The following RABGAP1L variants were observed in gnomAD, a reference collection of about 807,000 sequenced individuals.
RABGAP1L encodes RAB GTPase activating protein 1 like.
In RABGAP1L, 63 loss-of-function variants were observed where a neutral mutation model predicts 137.7. That is an observed-to-expected ratio of 0.46 (90% confidence interval 0.37 to 0.56). The LOEUF (loss-of-function observed/expected upper bound fraction) is 0.56. RABGAP1L is among the 20% of genes least tolerant of loss of function. RABGAP1L has a pLI of 0.00. For missense variants in RABGAP1L, 1,095 were observed against 1,244.0 expected (o/e 0.88, Z 1.80); for synonymous variants, 431 against 433.7 (o/e 0.99, Z 0.08).
intron 13 of RABGAP1L, among the ~76,000 whole-genome samples, chr1:174,531,656 C>T (rs1238716533): frequency 1.4e-5 from 2 of 146,032 alleles, no homozygotes; most frequent in Admixed American, 1.5e-4. Context: ...TTGCTTTAAG[C>T]TAGGAATTTG....
intron 19 of RABGAP1L, among the ~76,000 whole-genome samples, chr1:174,894,634 C>T (rs951319243): frequency 5.3e-5 from 8 of 152,190 alleles, no homozygotes; most frequent in African/African-American, 1.7e-4. Context: ...ACAATGTGTG[C>T]TCACATTTCC....
In RABGAP1L at chr1:174,669,450, GGTT is replaced by G. The variant is rs564002193; in HGVS notation, c.1825-14068_1825-14066del. Among the ~76,000 whole-genome samples the G allele has an allele frequency of 9.9e-5, 15 of 152,236 alleles. No homozygotes were observed. The South Asian group carries it at 3.1e-3, about 32-fold the overall frequency. On this transcript the variant is annotated intron_variant, in intron 14 of 25. Coordinates refer to ENST00000681986, the MANE Select transcript of RABGAP1L (RefSeq NM_001366446.1). ...TTGTAGGTTGTCTCTTCACTCTGTT[GGTT>G]GTTTTCTTTGCTATGCAGAAGCTTT...
chr1:174,673,209 T>C (rs752675825), intron 14 of RABGAP1L, among the ~76,000 whole-genome samples: 49 of 152,258 alleles, frequency 3.2e-4, no homozygotes, highest in Non-Finnish European at 5.9e-4. Context: ...AGGATACTAA[T>C]TGATCTTTCA....
At chr1:174,637,954 C>T (rs1260417935) in intron 14 of RABGAP1L, among the ~76,000 whole-genome samples, 1 of 152,120 alleles carries the variant, frequency 6.6e-6, no homozygotes, top group African/African-American at 2.4e-5. Flanking sequence ...TTTTATATCC[C>T]ATTTTGAAAT....
At chr1:174,614,705 T>G (rs1031357632) in intron 13 of RABGAP1L, among the ~76,000 whole-genome samples, 49 of 152,354 alleles carry the variant, frequency 3.2e-4, no homozygotes, top group African/African-American at 1.1e-3. Flanking sequence ...CCCGTCACTT[T>G]CAGGTACACC....
chr1:174,582,885 G>A (rs1223294225), intron 13 of RABGAP1L, among the ~76,000 whole-genome samples: 1 of 152,102 alleles, frequency 6.6e-6, no homozygotes, highest in African/African-American at 2.4e-5. Flanking sequence ...AATCACATGT[G>A]CTTTAATAAT....
intron 10 of RABGAP1L, 146 bp downstream of exon 10, chr1:174,278,925 G>C: frequency 1.4e-6 from 1 of 711,326 alleles, no homozygotes; most frequent in East Asian, 3.3e-5. Context: ...CCAATAGAGT[G>C]TTTGAAAAAG....
intron 13 of RABGAP1L, among the ~76,000 whole-genome samples, chr1:174,602,333 G>T (rs779236636): frequency 2.6e-5 from 4 of 152,140 alleles, no homozygotes; most frequent in Non-Finnish European, 5.9e-5. Context: ...TGAGAATGAA[G>T]CAAAAGCGGA....
At chr1:174,625,000 T>C (rs984225290) in intron 13 of RABGAP1L, among the ~76,000 whole-genome samples, 5 of 151,732 alleles carry the variant, frequency 3.3e-5, no homozygotes, top group African/African-American at 9.7e-5. Flanking sequence ...GCCTCCCAAG[T>C]AGTTGGGATT....
intron 23 of RABGAP1L, among the ~76,000 whole-genome samples, chr1:174,982,095 G>A (rs1462998381): frequency 6.6e-6 from 1 of 152,118 alleles, no homozygotes; most frequent in Non-Finnish European, 1.5e-5. Flanking sequence ...GTTTTAGTCT[G>A]TATTATTTTC....
At chr1:174,650,223 T>A (rs1268256497) in intron 14 of RABGAP1L, among the ~76,000 whole-genome samples, 1 of 152,136 alleles carries the variant, frequency 6.6e-6, no homozygotes, top group Non-Finnish European at 1.5e-5. Flanking sequence ...ATGTGCCACT[T>A]GATTCGGTTT....
intron 19 of RABGAP1L, among the ~76,000 whole-genome samples, chr1:174,859,637 G>A (rs1335813197): frequency 6.6e-6 from 1 of 152,000 alleles, no homozygotes; most frequent in Non-Finnish European, 1.5e-5. Flanking sequence ...CTTACAAGTG[G>A]GTGCTAAATG....
At chr1:174,510,465 T>C (rs946092120) in intron 13 of RABGAP1L, among the ~76,000 whole-genome samples, 2 of 152,212 alleles carry the variant, frequency 1.3e-5, no homozygotes, top group Admixed American at 1.3e-4. Flanking sequence ...TTTCTGACTT[T>C]GGGTTCTGAG....
intron 13 of RABGAP1L, among the ~76,000 whole-genome samples, chr1:174,430,279 G>A (rs1652467642): frequency 6.6e-6 from 1 of 151,828 alleles, no homozygotes; most frequent in African/African-American, 2.4e-5. Flanking sequence ...AGGCTCAGGT[G>A]GGAGGATTGC....
At chr1:174,766,257 A>T (rs2148715839) in intron 18 of RABGAP1L, among the ~76,000 whole-genome samples, 1 of 152,298 alleles carries the variant, frequency 6.6e-6, no homozygotes, top group East Asian at 1.9e-4. Context: ...ACCCAGTCTG[A>T]TTCCTTTTTA....
chr1:174,162,077 A>G (rs1347831984), intron 1 of RABGAP1L, among the ~76,000 whole-genome samples: 1 of 148,662 alleles, frequency 6.7e-6, no homozygotes, highest in Non-Finnish European at 1.5e-5. Context: ...GGGAATTTCT[A>G]TATATTACAG....
intron 13 of RABGAP1L, among the ~76,000 whole-genome samples, chr1:174,590,271 A>T (rs1669487366): frequency 6.7e-6 from 1 of 150,258 alleles, no homozygotes; most frequent in Non-Finnish European, 1.5e-5. Context: ...TAAATAAATG[A>T]ATATGAGACT....
chr1:174,470,151 C>T (rs1657749662), intron 13 of RABGAP1L, among the ~76,000 whole-genome samples: 2 of 152,116 alleles, frequency 1.3e-5, no homozygotes, highest in Non-Finnish European at 2.9e-5. Flanking sequence ...AATGCATCTC[C>T]CCATCTCGCA....
At chr1:174,207,129 A>G (rs1473004009) in intron 1 of RABGAP1L, among the ~76,000 whole-genome samples, 1 of 152,138 alleles carries the variant, frequency 6.6e-6, no homozygotes, top group Admixed American at 6.5e-5. Context: ...ATTTATGCCT[A>G]TATTTCCATT....
Sources: gnomAD v4.1 joint callset for allele counts (sites outside exome capture counted in the v4.1 genomes callset) on GRCh38, gnomAD v4.1.1 for gene constraint, MANE v1.5 for transcripts, NCBI Gene and HGNC (gene_info 2026-07-23, HGNC 2026-07-21) for gene names.